Variants in PTPRN2 observed in about 807,000 individuals in gnomAD.
PTPRN2 encodes the protein protein tyrosine phosphatase receptor type N2, also known as receptor-type tyrosine-protein phosphatase N2.
In PTPRN2, 74 loss-of-function variants were observed where a neutral mutation model predicts 118.8. The observed-to-expected ratio is 0.62, with a 90% confidence interval of 0.52 to 0.76. The LOEUF is 0.76. Among genes scored for constraint, PTPRN2 ranks in the 30% least tolerant of loss-of-function variants. The pLI is 0.00. For synonymous variants in PTPRN2, 641 were observed against 608.0 expected (o/e 1.05, Z -0.80); for missense variants, 1,481 against 1,394.4 (o/e 1.06, Z -0.99).
intron 1 of PTPRN2, chr7:158,541,456 G>A (rs531322450): frequency 3.3e-5 from 44 of 1,351,820 alleles, no homozygotes; most frequent in African/African-American, 5.9e-5. Context: ...CACTGCCACC[G>A]AGGGTCCACT....
chr7:158,140,748 C>T (rs62480211), intron 6 of PTPRN2, among the ~76,000 whole-genome samples: 1,931 of 152,336 alleles, frequency 0.013, 20 homozygotes, highest in Non-Finnish European at 0.018. Context: ...TCCAGGCCCA[C>T]ATGCGTCCAA....
chr7:157,649,348 A>G (rs7807624), intron 14 of PTPRN2, among the ~76,000 whole-genome samples: 5,818 of 43,440 alleles, frequency 0.13, 1,148 homozygotes, highest in Admixed American at 0.22. Context: ...TCAGTGGGTC[A>G]GACCCATCCA....
chr7:158,354,033 G>C (rs1372327224), intron 2 of PTPRN2, among the ~76,000 whole-genome samples: 1 of 152,210 alleles, frequency 6.6e-6, no homozygotes, highest in East Asian at 1.9e-4. Flanking sequence ...CAGGACCTGT[G>C]CTCCCAGGTC....
At chr7:158,314,968 C>T (rs1586221308) in intron 3 of PTPRN2, among the ~76,000 whole-genome samples, 1 of 144,340 alleles carries the variant, frequency 6.9e-6, no homozygotes, top group African/African-American at 2.6e-5. Context: ...GAGGTGAACC[C>T]GGGACCCCCT....
Position 157,881,999 on chromosome 7 carries a change from C to T in PTPRN2, c.1788+16674G>A, listed in dbSNP as rs550739310. Among the ~76,000 whole-genome samples the T allele has an allele frequency of 8.6e-5, 13 of 151,862 alleles. No homozygotes were observed. In the East Asian group the frequency reaches 2.1e-3, roughly 25 times the overall value. On this transcript the variant is annotated intron_variant, in intron 12 of 22. Coordinates refer to ENST00000389418, the MANE Select transcript of PTPRN2 (RefSeq NM_002847.5). This position sits in a 1 kb window ranked among gnomAD's most constrained non-coding sequence, Gnocchi z 4.7. The stretch of plus-strand genomic sequence containing the variant: ...AACATGCCACCCCAAAAACAACTGT[C>T]GAAGAACAGAACATGCTGCCCCAAA...
chr7:157,776,470 TCTCCCTCTCCTC>T (rs1449772998), intron 12 of PTPRN2, among the ~76,000 whole-genome samples: 960 of 60,258 alleles, frequency 0.016, 12 homozygotes, highest in African/African-American at 0.061. Flanking sequence ...TCCCTCTCCT[TCTCCCTCTCCTC>T]CTCCCTCTCC....
intron 5 of PTPRN2, among the ~76,000 whole-genome samples, chr7:158,183,475 T>C (rs796437914): frequency 2.6e-5 from 4 of 152,274 alleles, no homozygotes; most frequent in African/African-American, 9.6e-5. Flanking sequence ...CAAGATTAGA[T>C]TGCAAATTTC....
chr7:158,394,609 A>G (rs1015120927), intron 2 of PTPRN2, among the ~76,000 whole-genome samples: 5 of 152,202 alleles, frequency 3.3e-5, no homozygotes, highest in African/African-American at 1.2e-4. Flanking sequence ...CCATCCCCCC[A>G]GGCGCAGAAA....
At chr7:158,260,453 G>T (rs1797321725) in intron 3 of PTPRN2, among the ~76,000 whole-genome samples, 1 of 152,166 alleles carries the variant, frequency 6.6e-6, no homozygotes, top group South Asian at 2.1e-4. Flanking sequence ...ATAAATCATG[G>T]TTAACAGAAG....
intron 3 of PTPRN2, among the ~76,000 whole-genome samples, chr7:158,282,023 G>GC (rs1799460567): frequency 6.6e-6 from 1 of 152,102 alleles, no homozygotes. Context: ...AAGAGACCTG[G>GC]CCTCCTGTCT....
At chr7:158,379,537 A>ACAAAG (rs1810798612) in intron 2 of PTPRN2, among the ~76,000 whole-genome samples, 1 of 151,788 alleles carries the variant, frequency 6.6e-6, no homozygotes, top group Non-Finnish European at 1.5e-5. Context: ...GAAAGACAAA[A>ACAAAG]ACAACTCCGA....
chr7:158,540,415 C>A (rs1825914789), intron 1 of PTPRN2, among the ~76,000 whole-genome samples: 1 of 152,056 alleles, frequency 6.6e-6, no homozygotes, highest in South Asian at 2.1e-4. Flanking sequence ...CTCTGGGGCT[C>A]CATGGCTGGG....
chr7:157,597,485 T>G (rs535821318), intron 16 of PTPRN2, among the ~76,000 whole-genome samples: 2 of 132,024 alleles, frequency 1.5e-5, no homozygotes, highest in South Asian at 2.3e-4. Flanking sequence ...TGTGTGTGTG[T>G]TTTTTTTTTT....
At chr7:158,113,476 A>T (rs2335845) in intron 9 of PTPRN2, among the ~76,000 whole-genome samples, 17 of 152,090 alleles carry the variant, frequency 1.1e-4, no homozygotes, top group African/African-American at 3.6e-4. Context: ...CAGAGGCCTT[A>T]GGCAGGAGTA....
chr7:157,899,241 A>G (rs1680735919), intron 11 of PTPRN2, among the ~76,000 whole-genome samples: 1 of 152,160 alleles, frequency 6.6e-6, no homozygotes. Flanking sequence ...AACATCCTAT[A>G]ATAATTTCGC....
intron 2 of PTPRN2, among the ~76,000 whole-genome samples, chr7:158,442,839 GAC>G (rs1435471748): frequency 6.6e-6 from 1 of 152,134 alleles, no homozygotes; most frequent in Non-Finnish European, 1.5e-5. Context: ...AAAATAAAAT[GAC>G]ACGTTTCCAT....
chr7:158,150,177 G>A (rs1820823444), intron 6 of PTPRN2, among the ~76,000 whole-genome samples: 1 of 152,216 alleles, frequency 6.6e-6, no homozygotes, highest in Non-Finnish European at 1.5e-5. Flanking sequence ...GCCTCAAGCG[G>A]GGCAGTGTGT....
chr7:158,532,412 G>A (rs917941058), intron 1 of PTPRN2, among the ~76,000 whole-genome samples: 15 of 152,184 alleles, frequency 9.9e-5, no homozygotes, highest in Admixed American at 7.9e-4. Flanking sequence ...ACAGGCATCA[G>A]AGCATTCCAG....
chr7:158,163,583 C>T (rs1822574036), intron 6 of PTPRN2, among the ~76,000 whole-genome samples: 1 of 146,050 alleles, frequency 6.8e-6, no homozygotes, highest in East Asian at 2.1e-4. Flanking sequence ...TCTCAATATT[C>T]TCTGTATATT....
Sources: gnomAD v4.1 joint callset for allele counts (sites outside exome capture counted in the v4.1 genomes callset) on GRCh38, gnomAD v4.1.1 for gene constraint, Gnocchi (gnomAD v3.1) non-coding constraint, MANE v1.5 for transcripts, NCBI Gene and HGNC (gene_info 2026-07-23, HGNC 2026-07-21) for gene names.